The following DOCK8 variants were observed in gnomAD, a reference collection of about 807,000 sequenced individuals.
The protein encoded by DOCK8 is dedicator of cytokinesis protein 8.
In DOCK8, 141 loss-of-function variants were observed where a neutral mutation model predicts 245.6. The observed-to-expected ratio is 0.57, with a 90% CI of 0.50 to 0.66. The LOEUF (loss-of-function observed/expected upper bound fraction) is 0.66. Ranked by LOEUF, DOCK8 falls within the 30% of genes least tolerant of loss-of-function variation. The pLI, the probability that DOCK8 is intolerant of heterozygous loss-of-function variation, is 0.00. For synonymous variants in DOCK8, 1,168 were observed against 970.2 expected, an observed-to-expected ratio of 1.20 and a Z score of -3.79; for missense variants, 2,965 against 2,603.4, an observed-to-expected ratio of 1.14 and a Z score of -3.02.
At chr9:373,128 C>T (rs1228329423) in intron 18 of DOCK8, among the ~76,000 whole-genome samples, 1 of 152,192 alleles carries the variant, frequency 6.6e-6, no homozygotes, top group Non-Finnish European at 1.5e-5. Flanking sequence ...GATCACACCA[C>T]TGCACTGCAG....
At chr9:254,929 G>A (rs1469390714) in intron 1 of DOCK8, among the ~76,000 whole-genome samples, 2 of 152,102 alleles carry the variant, frequency 1.3e-5, no homozygotes, top group East Asian at 1.9e-4. Flanking sequence ...GGAGGGTGGC[G>A]CTCAGAAATC....
chr9:399,161 GA>G lies in DOCK8; in HGVS notation c.3140del (p.Lys1047ArgfsTer2). On this transcript the variant is annotated frameshift_variant, in exon 26 of 48. Coordinates refer to ENST00000432829, the MANE Select transcript of DOCK8 (RefSeq NM_203447.4). LOFTEE classifies it high-confidence loss of function. ...TGTTTTTAAGGAAAATGAACAGGCGGAAAAGATGAACATCAGCCTGGCTTTC... is the reference window on the plus strand; with the variant it reads ...TGTTTTTAAGGAAAATGAACAGGCGGAAAGATGAACATCAGCCTGGCTTTC... Reference protein sequence around the residue: ...VKPQKENEQAEKMNISLAFFL... With the variant: ...VKPQKENEQAXKMNISLAFFL... 6.2e-7 allele frequency: 1 copy of G among 1,613,960 alleles called. No homozygotes were observed. Among genetic ancestry groups the G allele is most frequent in the Non-Finnish European group, 8.5e-7 (1 of 1,179,990 alleles).
Position 464,732 on chromosome 9 carries a change from A to C in DOCK8, c.*513A>C. 1 of 164,538 alleles carries C rather than the reference A, an allele frequency of 6.1e-6. No homozygotes were observed. The highest frequency in any genetic ancestry group is 1.3e-5 in the Non-Finnish European group (1 of 74,484). 10.2% of individuals were successfully genotyped at this position (164,538 alleles called of 1,614,324 possible). A position where few individuals can be genotyped will look rare whatever the true frequency, so the allele number is the denominator to read the frequency against. ...GGGAAGCCTTACTACAATTCCAAAAATCATCATGGTTGGAAATTTGGGAGG... is the reference window on the plus strand; with the variant it reads ...GGGAAGCCTTACTACAATTCCAAAACTCATCATGGTTGGAAATTTGGGAGG... On this transcript the variant is annotated 3_prime_UTR_variant, in exon 48 of 48. Transcript: ENST00000432829.
In DOCK8 at chr9:430,579, G is replaced by A. The variant is rs2131721567; in HGVS notation, c.4626+725G>A. On this transcript the variant is annotated intron_variant, in intron 36 of 47. Transcript: ENST00000432829. Reference sequence around the variant, plus strand: ...CGCCCGTAATCTTAGCTACTGGGGAGGCTGAGGCACGAGAATCGCTTGAAC... The same window carrying A: ...CGCCCGTAATCTTAGCTACTGGGGAAGCTGAGGCACGAGAATCGCTTGAAC... Among the ~76,000 whole-genome samples the A allele has an allele frequency of 2.0e-5, 3 of 152,012 alleles. No homozygotes were observed. In the Middle Eastern group the frequency reaches 0.01, roughly 517 times the overall value.
intron 14 of DOCK8, among the ~76,000 whole-genome samples, chr9:353,979 C>T (rs143158194): frequency 6.6e-6 from 1 of 152,246 alleles, no homozygotes; most frequent in East Asian, 1.9e-4. Flanking sequence ...TAGAAATTCT[C>T]ATGTTCTTAT....
intron 10 of DOCK8, among the ~76,000 whole-genome samples, chr9:333,340 A>C (rs56868709): frequency 2.0e-5 from 3 of 152,170 alleles, no homozygotes; most frequent in Admixed American, 1.3e-4. Context: ...GGTGGCTCAC[A>C]CCTGTAATCC....
intron 1 of DOCK8, among the ~76,000 whole-genome samples, chr9:266,101 T>G (rs1272021114): frequency 6.6e-6 from 1 of 152,170 alleles, no homozygotes; most frequent in Non-Finnish European, 1.5e-5. Context: ...CATTGTCTTC[T>G]CCATTAGAAC....
At position 358,586 on chromosome 9, in the gene DOCK8, T is replaced by C. The variant is rs142883622; in HGVS notation, c.1680-9432T>C. Reference sequence around the variant, plus strand: ...CCTGCAGGCCAGGTGCGGTGGCTCATGCCTGTAATCCCAACAGTTTGGGAG... The same window carrying C: ...CCTGCAGGCCAGGTGCGGTGGCTCACGCCTGTAATCCCAACAGTTTGGGAG... On this transcript the variant is annotated intron_variant, in intron 14 of 47. Transcript: ENST00000432829. Among the ~76,000 whole-genome samples the C allele has an allele frequency of 5.9e-5, 9 of 151,774 alleles. No individual in the cohort carries two copies. In the East Asian group the frequency reaches 1.7e-3, roughly 29 times the overall value.
At chr9:234,528 G>T (rs1326597956) in intron 1 of DOCK8, among the ~76,000 whole-genome samples, 1 of 152,154 alleles carries the variant, frequency 6.6e-6, no homozygotes, top group Non-Finnish European at 1.5e-5. Flanking sequence ...TCACTTTCAG[G>T]TACACCAATC....
chr9:372,046 G>C, intron 17 of DOCK8, 139 bp from the exon 18 acceptor site: 1 of 764,984 alleles, frequency 1.3e-6, no homozygotes, highest in Non-Finnish European at 2.2e-6. Context: ...CAAAGAACTG[G>C]ACAGAAATTA....
chr9:361,147 A>T (rs1265651735), intron 14 of DOCK8, among the ~76,000 whole-genome samples: 2 of 152,180 alleles, frequency 1.3e-5, no homozygotes, highest in Admixed American at 6.5e-5. Flanking sequence ...AGCCCAAGCA[A>T]CAGAGCATAG....
At chr9:254,084 G>A (rs991673550) in intron 1 of DOCK8, among the ~76,000 whole-genome samples, 2 of 152,194 alleles carry the variant, frequency 1.3e-5, no homozygotes, top group African/African-American at 4.8e-5. Context: ...GAACTGCATA[G>A]GAGAACAGTT....
chr9:343,209 C>T (rs140519728), intron 14 of DOCK8, among the ~76,000 whole-genome samples: 2,839 of 152,258 alleles, frequency 0.019, 40 homozygotes, highest in Middle Eastern at 0.065. Flanking sequence ...TCAAAAATTA[C>T]AGCGAGGTGG....
chr9:233,900 T>TA (rs2047183002), intron 1 of DOCK8, among the ~76,000 whole-genome samples: 1 of 152,180 alleles, frequency 6.6e-6, no homozygotes, highest in Non-Finnish European at 1.5e-5. Flanking sequence ...CATTTACATT[T>TA]AATTTAATAT....
chr9:307,428 G>A lies in DOCK8; in HGVS notation c.528+2724G>A, dbSNP rs149152233. On this transcript the variant is annotated intron_variant, in intron 5 of 47. Transcript: ENST00000432829. Reference sequence around the variant, plus strand: ...GGCTGGAGTGCAATGGCATGATCTCGGCTCACTACAACCTCCGCCTCCCAA... The same window carrying A: ...GGCTGGAGTGCAATGGCATGATCTCAGCTCACTACAACCTCCGCCTCCCAA... Among the ~76,000 whole-genome samples the A allele has an allele frequency of 4.5e-4, 57 of 127,658 alleles. No homozygotes were observed. In the East Asian group the frequency reaches 0.014, roughly 32 times the overall value. 83.7% of individuals were successfully genotyped at this position (127,658 alleles called of 152,430 possible).
At chr9:351,440 G>A (rs1270645253) in intron 14 of DOCK8, among the ~76,000 whole-genome samples, 1 of 152,230 alleles carries the variant, frequency 6.6e-6, no homozygotes, top group East Asian at 1.9e-4. Context: ...CTAGAAGATA[G>A]TCTGCAGATT....
At chr9:282,769 CTGA>C (rs1161602805) in intron 2 of DOCK8, among the ~76,000 whole-genome samples, 4 of 152,148 alleles carry the variant, frequency 2.6e-5, no homozygotes, top group Non-Finnish European at 5.9e-5. Context: ...TTTTTTCTCA[CTGA>C]TGATTGCACA....
rs80122470 is a variant in DOCK8, at chr9:408,245, C to T, written c.3530+1176C>T. ...TTCCTGCATGAAACAAATACAGGAG[C>T]ACATCGAGTTCGTGCAACTGCAACA... On this transcript the variant is annotated intron_variant, in intron 28 of 47. Coordinates refer to ENST00000432829, the MANE Select transcript of DOCK8 (RefSeq NM_203447.4). 3.5e-4 allele frequency among the ~76,000 whole-genome samples: 54 copies of T among 152,306 alleles called. 1 individual carries two copies. In the East Asian group the frequency reaches 0.01, roughly 29 times the overall value.
intron 2 of DOCK8, among the ~76,000 whole-genome samples, chr9:275,273 G>C (rs59872186): frequency 2.6e-4 from 40 of 152,324 alleles, no homozygotes; most frequent in African/African-American, 9.6e-4. Flanking sequence ...AATAAAAGGT[G>C]ACTTCAGCTC....
Sources: allele counts gnomAD v4.1 joint callset (sites outside exome capture counted in the v4.1 genomes callset), GRCh38; gene constraint gnomAD v4.1.1; transcripts MANE v1.5; gene names NCBI Gene and HGNC (gene_info 2026-07-23, HGNC 2026-07-21).